SPIDR: variants seen among roughly 807,000 people sequenced by gnomAD.
SPIDR encodes the protein DNA repair-scaffolding protein.
Under a neutral mutation model 104.6 loss-of-function variants are expected in SPIDR, and 93 were observed. The observed-to-expected ratio is 0.89, with a 90% CI of 0.75 to 1.06. The LOEUF (loss-of-function observed/expected upper bound fraction) is 1.06, where lower values mean the gene tolerates loss of function less well. SPIDR is among the 50% of genes least tolerant of loss of function. SPIDR has a pLI of 0.00. For synonymous variants in SPIDR, 431 were observed against 416.9 expected, an observed-to-expected ratio of 1.03 and a Z score of -0.41; for missense variants, 1,154 against 1,111.2, an observed-to-expected ratio of 1.04 and a Z score of -0.55.
rs1554658451 is a variant in SPIDR, at chr8:47,396,428, A to C, written c.578A>C (p.Asp193Ala). 4 of 1,613,614 alleles carry C rather than the reference A, an allele frequency of 2.5e-6. No homozygotes were observed. Among genetic ancestry groups the C allele is most frequent in the Non-Finnish European group, 3.4e-6 (4 of 1,179,576 alleles). ...TCATCAGATAGTGAAAAAGAAGATG[A>C]TTTGGAAAATGTCCTACTCATTGAT... Reference protein sequence around the residue: ...EYSSDSEKEDDLENVLLIDSE... With the variant: ...EYSSDSEKEDALENVLLIDSE... Residue 193 changes from aspartate to alanine, a missense_variant, in exon 6 of 20, where the codon GAT becomes GCT. Coordinates refer to ENST00000297423, the MANE Select transcript of SPIDR (RefSeq NM_001080394.4).
intron 5 of SPIDR, among the ~76,000 whole-genome samples, chr8:47,300,418 A>AT (rs1173808700): frequency 2.4e-4 from 36 of 152,012 alleles, no homozygotes; most frequent in African/African-American, 7.7e-4. Flanking sequence ...GGATTCATTG[A>AT]TTTTTTTGAA....
chr8:47,511,182 G>A (rs2082264050), intron 8 of SPIDR: 1 of 1,566,038 alleles, frequency 6.4e-7, no homozygotes, highest in African/African-American at 1.4e-5. Context: ...TGAAGAGTTG[G>A]ATGTTGCTGA....
chr8:47,640,674 G>GTTT (rs919847485), intron 10 of SPIDR, among the ~76,000 whole-genome samples: 16 of 7,080 alleles, frequency 2.3e-3, no homozygotes, highest in South Asian at 0.022. Flanking sequence ...TTTTTTGTTT[G>GTTT]TTTTTTGTTG....
intron 10 of SPIDR, among the ~76,000 whole-genome samples, chr8:47,625,677 C>A (rs1170523777): frequency 3.3e-5 from 5 of 151,780 alleles, no homozygotes; most frequent in Non-Finnish European, 5.9e-5. Flanking sequence ...ATCCAACTTA[C>A]AAGGGACGTG....
At chr8:47,305,820 A>C (rs1272156776) in intron 5 of SPIDR, among the ~76,000 whole-genome samples, 2 of 152,240 alleles carry the variant, frequency 1.3e-5, no homozygotes, top group Non-Finnish European at 2.9e-5. Context: ...TAAAATACAC[A>C]TAACATAAAA....
intron 14 of SPIDR, among the ~76,000 whole-genome samples, chr8:47,704,942 G>C (rs928523879): frequency 6.6e-6 from 1 of 152,226 alleles, no homozygotes; most frequent in African/African-American, 2.4e-5. Flanking sequence ...GGGTCAGTGT[G>C]TGTAGGGATG....
chr8:47,438,548 T>C (rs1554694053), intron 7 of SPIDR, among the ~76,000 whole-genome samples: 1 of 152,248 alleles, frequency 6.6e-6, no homozygotes, highest in Non-Finnish European at 1.5e-5. Flanking sequence ...ATGCCTGTTG[T>C]GGCGAAGCAT....
At chr8:47,632,700 G>GA (rs536810180) in intron 10 of SPIDR, among the ~76,000 whole-genome samples, 55 of 152,312 alleles carry the variant, frequency 3.6e-4, no homozygotes, top group Admixed American at 3.2e-3. Flanking sequence ...GAAACTGCAA[G>GA]ATCCCAAGTG....
At chr8:47,727,105 G>T in intron 16 of SPIDR, 95 bp from the exon 17 acceptor site, 1 of 980,444 alleles carries the variant, frequency 1.0e-6, no homozygotes, top group South Asian at 1.4e-5. Flanking sequence ...CAAAAATCAC[G>T]AGGCCCCTCA....
Position 47,537,700 on chromosome 8 carries a change from A to G in SPIDR, c.1098-58111A>G, listed in dbSNP as rs79513912. ...AAGAGTGAACCCAATGTAAACTATG[A>G]ACTTTACTCAATAAGGTGTCAATAT... On this transcript the variant is annotated intron_variant, in intron 8 of 19. Coordinates refer to ENST00000297423, the MANE Select transcript of SPIDR (RefSeq NM_001080394.4). 5.4e-4 allele frequency among the ~76,000 whole-genome samples: 83 copies of G among 152,322 alleles called. 1 individual carries two copies. The East Asian group carries it at 0.015, about 28-fold the overall frequency.
At chr8:47,355,164 C>T (rs1554624959) in intron 5 of SPIDR, among the ~76,000 whole-genome samples, 2 of 151,518 alleles carry the variant, frequency 1.3e-5, no homozygotes, top group Non-Finnish European at 2.9e-5. Context: ...GCACATTGGC[C>T]AGCTGGTCAC....
intron 5 of SPIDR, among the ~76,000 whole-genome samples, chr8:47,376,300 C>T (rs2058657806): frequency 1.3e-5 from 2 of 152,092 alleles, no homozygotes; most frequent in South Asian, 4.1e-4. Context: ...GAAACAGGGA[C>T]CCCAGTGTGG....
intron 5 of SPIDR, among the ~76,000 whole-genome samples, chr8:47,333,425 C>T (rs1321479910): frequency 6.6e-6 from 1 of 152,008 alleles, no homozygotes; most frequent in Non-Finnish European, 1.5e-5. Context: ...TCTCAGCCTC[C>T]CGAGTAGCTG....
chr8:47,454,572 C>CA (rs1459304103), intron 8 of SPIDR, among the ~76,000 whole-genome samples: 1 of 152,146 alleles, frequency 6.6e-6, no homozygotes, highest in Non-Finnish European at 1.5e-5. Context: ...CAACATGGCA[C>CA]ATGTGTACAT....
intron 10 of SPIDR, among the ~76,000 whole-genome samples, chr8:47,670,728 G>A (rs1176987933): frequency 6.6e-6 from 1 of 151,974 alleles, no homozygotes; most frequent in African/African-American, 2.4e-5. Flanking sequence ...GTCACTGCCC[G>A]TTTGATTTCA....
intron 8 of SPIDR, among the ~76,000 whole-genome samples, chr8:47,539,662 C>T (rs985414922): frequency 7.9e-5 from 12 of 151,914 alleles, no homozygotes; most frequent in African/African-American, 2.2e-4. Flanking sequence ...AATCAAGACT[C>T]GTGTCCAAGA....
intron 7 of SPIDR, among the ~76,000 whole-genome samples, chr8:47,434,687 T>G (rs1554691160): frequency 6.6e-6 from 1 of 152,188 alleles, no homozygotes; most frequent in Non-Finnish European, 1.5e-5. Context: ...GAGAATAATT[T>G]CAGTATCTCT....
At position 47,387,972 on chromosome 8, in the gene SPIDR, C is replaced by T. The variant is rs76364516; in HGVS notation, c.526-8404C>T. 2.4e-3 allele frequency among the ~76,000 whole-genome samples: 370 copies of T among 152,326 alleles called. 1 individual carries two copies. The highest frequency in any genetic ancestry group is 4.4e-3 in the Non-Finnish European group (299 of 68,032). On this transcript the variant is annotated intron_variant, in intron 5 of 19. Transcript: ENST00000297423. ...ATGTTTTTCACATCACTGTCTCTTG[C>T]CTCCCAGTATGAACTCTAAACTCTC...
intron 8 of SPIDR, among the ~76,000 whole-genome samples, chr8:47,580,178 G>C (rs1343585328): frequency 1.3e-5 from 2 of 152,220 alleles, no homozygotes; most frequent in Non-Finnish European, 2.9e-5. Context: ...TGATGGAAAA[G>C]TGATATCCAC....
Sources: allele counts gnomAD v4.1 joint callset (sites outside exome capture counted in the v4.1 genomes callset), GRCh38; gene constraint gnomAD v4.1.1; transcripts MANE v1.5; gene names NCBI Gene and HGNC (gene_info 2026-07-23, HGNC 2026-07-21).